The following VPS26B variants were observed in gnomAD, a reference collection of about 807,000 sequenced individuals.
The protein encoded by VPS26B is vacuolar protein sorting-associated protein 26B.
VPS26B carries 10 observed loss-of-function variants against 33.3 expected under a neutral mutation model. The observed-to-expected ratio is 0.30, with a 90% CI of 0.19 to 0.51. The LOEUF (loss-of-function observed/expected upper bound fraction) is 0.51. Ranked by LOEUF, VPS26B falls within the 20% of genes least tolerant of loss-of-function variation. VPS26B has a pLI of 0.98. For missense variants in VPS26B, 317 were observed against 452.7 expected, an observed-to-expected ratio of 0.70 and a Z score of 2.72; for synonymous variants, 190 against 176.9, an observed-to-expected ratio of 1.07 and a Z score of -0.59.
Position 134,246,595 on chromosome 11 carries a change from T to C in VPS26B, c.*1005T>C, listed in dbSNP as rs971721646. 2.0e-5 allele frequency: 3 copies of C among 152,372 alleles called. No individual in the cohort carries two copies. The highest frequency in any genetic ancestry group is 7.3e-5 in the African/African-American group (3 of 41,362). The allele number at this position is 152,372 out of a possible 1,614,324, so 9.4% of individuals were successfully genotyped here. Reference sequence around the variant, plus strand: ...TGTTCTTACTAATGCCCAAGCCCCTTTACCCCTCTCCCTATAGGTTACACA... The same window carrying C: ...TGTTCTTACTAATGCCCAAGCCCCTCTACCCCTCTCCCTATAGGTTACACA... On this transcript the variant is annotated 3_prime_UTR_variant, in exon 6 of 6. Coordinates refer to ENST00000281187, the MANE Select transcript of VPS26B (RefSeq NM_052875.5).
chr11:134,234,521 A>G (rs1591879421), intron 1 of VPS26B, among the ~76,000 whole-genome samples: 2 of 152,336 alleles, frequency 1.3e-5, no homozygotes, highest in Admixed American at 1.3e-4. Context: ...TTATTATTAT[A>G]AGGATGATAT....
chr11:134,228,415 T>C (rs1036665611), intron 1 of VPS26B, among the ~76,000 whole-genome samples: 2 of 151,152 alleles, frequency 1.3e-5, no homozygotes, highest in Non-Finnish European at 2.9e-5. Flanking sequence ...GGACAGGGAG[T>C]AAAGATGTAC....
intron 3 of VPS26B, 109 bp from the exon 4 acceptor site, chr11:134,243,010 C>T (rs1337375508): frequency 9.3e-7 from 1 of 1,079,926 alleles, no homozygotes; most frequent in East Asian, 2.5e-5. Context: ...GTGTGTCCTG[C>T]AACTGGACGT....
At chr11:134,242,290 T>G (rs1174763815) in intron 3 of VPS26B, among the ~76,000 whole-genome samples, 1 of 152,194 alleles carries the variant, frequency 6.6e-6, no homozygotes, top group Non-Finnish European at 1.5e-5. Flanking sequence ...GCCTGGGGAC[T>G]AGGATCCTGG....
chr11:134,239,898 C>A, intron 2 of VPS26B, 93 bp from the exon 3 acceptor site: 1 of 1,424,970 alleles, frequency 7.0e-7, no homozygotes, highest in Non-Finnish European at 9.8e-7. Flanking sequence ...AACCTTTGTA[C>A]AGGCTTCTCT....
At position 134,246,042 on chromosome 11, in the gene VPS26B, G is replaced by T. The variant is rs12808353; in HGVS notation, c.*452G>T. On this transcript the variant is annotated 3_prime_UTR_variant, in exon 6 of 6. Coordinates refer to ENST00000281187, the MANE Select transcript of VPS26B (RefSeq NM_052875.5). ...TGCTGTCCCGGAGGTAGTGGCAGGA[G>T]TTGGGCCAGCCCCCACTAAGTGGCA... is the stretch of plus-strand genomic sequence containing the variant. 5,728 of 156,452 alleles carry T rather than the reference G, an allele frequency of 0.037. 128 individuals carry two copies. Among genetic ancestry groups the T allele is most frequent in the African/African-American group, 0.044 (1,817 of 41,652 alleles). The allele number at this position is 156,452 out of a possible 1,614,324, so 9.7% of individuals were successfully genotyped here. A position where few individuals can be genotyped will look rare whatever the true frequency, so the allele number is the denominator to read the frequency against.
chr11:134,238,886 C>T (rs534067513), intron 2 of VPS26B, among the ~76,000 whole-genome samples: 2 of 152,296 alleles, frequency 1.3e-5, no homozygotes, highest in South Asian at 2.1e-4. Context: ...TGAACCACCG[C>T]GCCTGGCCAT....
rs545098105 is a variant in VPS26B at position 134,247,449 on chromosome 11, G to A, written c.*1859G>A. 2 of 152,332 alleles carry A rather than the reference G, an allele frequency of 1.3e-5. No homozygotes were observed. The highest frequency in any genetic ancestry group is 1.9e-4 in the East Asian group (1 of 5,180). 9.4% of individuals were successfully genotyped at this position (152,332 alleles called of 1,614,324 possible). A position where few individuals can be genotyped will look rare whatever the true frequency, so the allele number is the denominator to read the frequency against. ...TCCTAACATCTTAAACCTTTCTTCT[G>A]GGAGAACTAGAAGACAGAATTTGCT... On this transcript the variant is annotated 3_prime_UTR_variant, in exon 6 of 6. Coordinates refer to ENST00000281187, the MANE Select transcript of VPS26B (RefSeq NM_052875.5).
rs1176509615 is a variant in VPS26B, at chr11:134,225,109, G to T, written c.-14G>T. On this transcript the variant is annotated 5_prime_UTR_variant, in exon 1 of 6. Transcript: ENST00000281187. ...GAGCGGTCCTTACCGAGACCCGCCCGGCCCGGCGGTGCGATGAGCTTCTTC... is the reference window on the plus strand; with the variant it reads ...GAGCGGTCCTTACCGAGACCCGCCCTGCCCGGCGGTGCGATGAGCTTCTTC... The T allele has an allele frequency of 1.3e-6, 2 of 1,589,342 alleles. No individual in the cohort carries two copies.
At chr11:134,241,894 G>A (rs1446012915) in intron 3 of VPS26B, among the ~76,000 whole-genome samples, 5 of 152,210 alleles carry the variant, frequency 3.3e-5, no homozygotes, top group Non-Finnish European at 7.3e-5. Flanking sequence ...TCTGTAAAAC[G>A]AGGAGCTTGG....
rs1431310354 is a variant in VPS26B, at chr11:134,225,197, C to G, written c.75C>G (p.Ala25=). The G allele has an allele frequency of 1.2e-6, 2 of 1,614,148 alleles. No individual in the cohort carries two copies. The highest frequency in any genetic ancestry group is 2.2e-5 in the East Asian group (1 of 44,874). Residue 25 remains alanine, a synonymous_variant, in exon 1 of 6, where the codon GCC becomes GCG. Coordinates refer to ENST00000281187, the MANE Select transcript of VPS26B (RefSeq NM_052875.5). ...LLNDAESRKR[A]EHKTEDGKKE... ...ACGATGCAGAGAGTAGGAAGCGGGC[C>G]GAGCACAAGACGGAGGACGGGAAGA...
At chr11:134,231,606 C>T (rs1938556171) in intron 1 of VPS26B, among the ~76,000 whole-genome samples, 2 of 151,804 alleles carry the variant, frequency 1.3e-5, no homozygotes, top group Non-Finnish European at 2.9e-5. Context: ...GCTCTGTCGC[C>T]CAGGATAGAG....
intron 1 of VPS26B, 118 bp from the exon 2 acceptor site, chr11:134,234,778 TC>T: frequency 7.9e-7 from 1 of 1,273,066 alleles, no homozygotes; most frequent in South Asian, 1.5e-5. Flanking sequence ...AGGGGTCTGT[TC>T]TGCAGGGAGG....
chr11:134,247,506 G>A lies in VPS26B; in HGVS notation c.*1916G>A, dbSNP rs370464058. 3 of 152,540 alleles carry A rather than the reference G, an allele frequency of 2.0e-5. No homozygotes were observed. The highest frequency in any genetic ancestry group is 7.2e-5 in the African/African-American group (3 of 41,544). 9.4% of individuals were successfully genotyped at this position (152,540 alleles called of 1,614,324 possible). On this transcript the variant is annotated 3_prime_UTR_variant, in exon 6 of 6. Coordinates refer to ENST00000281187, the MANE Select transcript of VPS26B (RefSeq NM_052875.5). ...CTCTCAGGCGCTGTGCACAAGCCAG[G>A]TCTTCTGTTTTCTCTTTCTTACTCT...
At chr11:134,243,081 G>A (rs778011569) in intron 3 of VPS26B, 38 bp from the exon 4 acceptor site, 21 of 1,609,822 alleles carry the variant, frequency 1.3e-5, no homozygotes, top group Non-Finnish European at 4.2e-6. Context: ...TCTGGCCACA[G>A]TACCAACATC....
At chr11:134,232,315 G>A (rs1201416771) in intron 1 of VPS26B, among the ~76,000 whole-genome samples, 1 of 151,086 alleles carries the variant, frequency 6.6e-6, no homozygotes, top group Non-Finnish European at 1.5e-5. Context: ...TTATGCAAGA[G>A]GAAACCAAAC....
In VPS26B at chr11:134,224,965, T is replaced by G. The variant is rs1051306482; in HGVS notation, c.-158T>G. The G allele has an allele frequency of 2.2e-6, 1 of 456,104 alleles. No homozygotes were observed. The highest frequency in any genetic ancestry group is 3.3e-6 in the Non-Finnish European group (1 of 304,458). The allele number at this position is 456,104 out of a possible 1,614,324, so 28.3% of individuals were successfully genotyped here. A position where few individuals can be genotyped will look rare whatever the true frequency, so the allele number is the denominator to read the frequency against. The stretch of plus-strand genomic sequence containing the variant: ...CCTCCCCCGTGGAGCCGGCTGTCCG[T>G]CGGCGCCCACTGCCCGGCGGCAGCG... On this transcript the variant is annotated 5_prime_UTR_variant, in exon 1 of 6. Coordinates refer to ENST00000281187, the MANE Select transcript of VPS26B (RefSeq NM_052875.5).
chr11:134,226,378 C>T (rs1334030647), intron 1 of VPS26B, among the ~76,000 whole-genome samples: 1 of 152,084 alleles, frequency 6.6e-6, no homozygotes, highest in Non-Finnish European at 1.5e-5. Context: ...AGCACTCCAG[C>T]CTGGGTGACA....
rs769606558 is a variant in VPS26B at position 134,225,455 on chromosome 11, G to A, written c.223+110G>A. On this transcript the variant is annotated intron_variant, in intron 1 of 5. Transcript: ENST00000281187. ...GGCCTGTCACAGTCGCTTGTCAACT[G>A]CAGTCTGAGGCCTGGGGTTCAGCTA... 185 of 1,067,188 alleles carry A rather than the reference G, an allele frequency of 1.7e-4. 1 individual carries two copies. The highest frequency in any genetic ancestry group is 2.2e-4 in the Non-Finnish European group (161 of 716,324). The allele number at this position is 1,067,188 out of a possible 1,614,324, so 66.1% of individuals were successfully genotyped here. A position where few individuals can be genotyped will look rare whatever the true frequency, so the allele number is the denominator to read the frequency against.
Sources: gnomAD v4.1 joint callset for allele counts (sites outside exome capture counted in the v4.1 genomes callset) on GRCh38, gnomAD v4.1.1 for gene constraint, MANE v1.5 for transcripts, NCBI Gene and HGNC (gene_info 2026-07-23, HGNC 2026-07-21) for gene names.